DLG2: variants seen among roughly 807,000 people sequenced by gnomAD.
The protein encoded by DLG2 is discs large MAGUK scaffold protein 2.
Under a neutral mutation model 132.5 loss-of-function variants are expected in DLG2, and 45 were observed. The ratio of observed to expected loss-of-function variants is 0.34; its 90% CI spans 0.27 to 0.44. The LOEUF (loss-of-function observed/expected upper bound fraction) is 0.44. DLG2 is among the 20% of genes least tolerant of loss of function. The probability of loss-of-function intolerance (pLI) is 1.00; values close to 1 mark genes in which losing one functional copy is unlikely to be tolerated. For missense variants in DLG2, 1,045 were observed against 1,196.9 expected (o/e 0.87, Z 1.87); for synonymous variants, 424 against 419.6 (o/e 1.01, Z -0.13).
At chr11:84,693,767 T>G (rs973302112) in intron 6 of DLG2, among the ~76,000 whole-genome samples, 2 of 151,644 alleles carry the variant, frequency 1.3e-5, no homozygotes, top group Non-Finnish European at 3.0e-5. Context: ...CTTTGTAGTA[T>G]TTTTCAATGA....
intron 6 of DLG2, chr11:85,021,118 T>C (rs2060026639): frequency 1.3e-6 from 1 of 791,520 alleles, no homozygotes; most frequent in Admixed American, 1.7e-5. Context: ...TGAAGAGTCA[T>C]CTGCTTTCAA....
intron 4 of DLG2, among the ~76,000 whole-genome samples, chr11:85,240,204 C>T (rs2075807859): frequency 6.6e-6 from 1 of 151,640 alleles, no homozygotes; most frequent in Admixed American, 6.6e-5. Flanking sequence ...CTGTGAAAAG[C>T]CTGATTATTT....
At chr11:85,401,545 A>T (rs137909959) in intron 3 of DLG2, among the ~76,000 whole-genome samples, 5,296 of 152,298 alleles carry the variant, frequency 0.035, 144 homozygotes, top group Admixed American at 0.049. Context: ...GAGGAAGTCA[A>T]ATTGTCTCTG....
At chr11:83,588,148 T>C (rs1362692887) in intron 19 of DLG2, among the ~76,000 whole-genome samples, 3 of 152,060 alleles carry the variant, frequency 2.0e-5, no homozygotes, top group Non-Finnish European at 4.4e-5. Context: ...CAAGGAGGCC[T>C]GCCTGCCTCT....
intron 3 of DLG2, among the ~76,000 whole-genome samples, chr11:85,510,720 C>A (rs1255576194): frequency 6.6e-6 from 1 of 152,122 alleles, no homozygotes; most frequent in Non-Finnish European, 1.5e-5. Flanking sequence ...AGTCAGGAAA[C>A]AATAGGTGCT....
intron 7 of DLG2, among the ~76,000 whole-genome samples, chr11:84,383,880 G>GA (rs1282339097): frequency 2.0e-5 from 3 of 151,926 alleles, no homozygotes; most frequent in Non-Finnish European, 4.4e-5. Flanking sequence ...TGTTTCAAGG[G>GA]ACTGTTCGTG....
intron 6 of DLG2, among the ~76,000 whole-genome samples, chr11:85,040,581 C>T (rs911675976): frequency 6.6e-6 from 1 of 151,940 alleles, no homozygotes; most frequent in African/African-American, 2.4e-5. Flanking sequence ...GTTTATTCAA[C>T]ACATCCCACA....
intron 14 of DLG2, among the ~76,000 whole-genome samples, chr11:83,939,321 T>C (rs2082154788): frequency 6.6e-6 from 1 of 152,124 alleles, no homozygotes; most frequent in African/African-American, 2.4e-5. Flanking sequence ...CAGGGCACAA[T>C]TGTTTAAGCT....
intron 21 of DLG2, among the ~76,000 whole-genome samples, chr11:83,510,766 AGAGGAGTGAATCACATTTACAATGT>A (rs1031521343): frequency 6.6e-6 from 1 of 150,910 alleles, no homozygotes; most frequent in Non-Finnish European, 1.5e-5. Context: ...AGGGCCAGTC[AGAGGAGTGAATCACATTTACAATGT>A]GAGAGCATGT....
chr11:85,467,731 T>G (rs2092840175), intron 3 of DLG2, among the ~76,000 whole-genome samples: 1 of 152,174 alleles, frequency 6.6e-6, no homozygotes, highest in Non-Finnish European at 1.5e-5. Context: ...ATTGAGGATT[T>G]TTGCATCGAT....
intron 16 of DLG2, among the ~76,000 whole-genome samples, chr11:83,862,305 C>T (rs1241434428): frequency 6.6e-6 from 1 of 152,090 alleles, no homozygotes; most frequent in African/African-American, 2.4e-5. Context: ...ACGAATGGAA[C>T]TGGAGGTCAT....
chr11:84,057,721 C>G (rs2096527487), intron 11 of DLG2, among the ~76,000 whole-genome samples: 1 of 152,064 alleles, frequency 6.6e-6, no homozygotes, highest in Non-Finnish European at 1.5e-5. Context: ...CAGTTTGTGC[C>G]AGGCCTTATT....
chr11:83,900,774 C>T (rs891471656), intron 15 of DLG2, among the ~76,000 whole-genome samples: 3 of 152,182 alleles, frequency 2.0e-5, no homozygotes, highest in Admixed American at 6.5e-5. Flanking sequence ...TAGGAGCTCC[C>T]ACCTTGGGGC....
At chr11:83,510,830 G>GTTTTTTTTTT (rs566973328) in intron 21 of DLG2, among the ~76,000 whole-genome samples, 2 of 88,776 alleles carry the variant, frequency 2.3e-5, no homozygotes, top group Non-Finnish European at 4.1e-5. Flanking sequence ...TGAACCATCC[G>GTTTTTTTTTT]TTTTTTTTTT....
At chr11:83,553,627 AG>A (rs2096449154) in intron 19 of DLG2, among the ~76,000 whole-genome samples, 1 of 151,928 alleles carries the variant, frequency 6.6e-6, no homozygotes, top group Admixed American at 6.6e-5. Flanking sequence ...AAACACTTTT[AG>A]TACTCTTTCC....
intron 6 of DLG2, among the ~76,000 whole-genome samples, chr11:84,976,293 A>G (rs1440054172): frequency 6.6e-6 from 1 of 152,180 alleles, no homozygotes; most frequent in Non-Finnish European, 1.5e-5. Context: ...AAGAGATAGT[A>G]AAGTTATTTA....
At chr11:83,936,547 G>C (rs929847750) in intron 14 of DLG2, among the ~76,000 whole-genome samples, 2 of 152,092 alleles carry the variant, frequency 1.3e-5, no homozygotes, top group Non-Finnish European at 2.9e-5. Flanking sequence ...GTAGAAATTA[G>C]GATTGGTTCA....
chr11:85,441,084 T>C (rs1465095046), intron 3 of DLG2, among the ~76,000 whole-genome samples: 1 of 152,150 alleles, frequency 6.6e-6, no homozygotes, highest in Non-Finnish European at 1.5e-5. Context: ...AGGAACATCA[T>C]CCCTAAGTCT....
At chr11:84,768,566 A>C (rs985240779) in intron 6 of DLG2, among the ~76,000 whole-genome samples, 3 of 152,180 alleles carry the variant, frequency 2.0e-5, no homozygotes, top group African/African-American at 7.2e-5. Flanking sequence ...AAAAAATGTG[A>C]CTGAAATATA....
Sources: allele counts gnomAD v4.1 joint callset (sites outside exome capture counted in the v4.1 genomes callset), GRCh38; gene constraint gnomAD v4.1.1; transcripts MANE v1.5; gene names NCBI Gene and HGNC (gene_info 2026-07-23, HGNC 2026-07-21).